Variants in NCEH1 observed in about 807,000 individuals in gnomAD.
NCEH1 encodes the protein 2-acetyl MAGE hydrolase.
Under a neutral mutation model 25.4 loss-of-function variants are expected in NCEH1, and 9 were observed. That is an observed-to-expected ratio of 0.35 (90% CI 0.21 to 0.62). The LOEUF is 0.62. NCEH1 is among the 20% of genes least tolerant of loss of function. NCEH1 has a pLI of 0.72. For missense variants in NCEH1, 412 were observed against 501.1 expected (o/e 0.82, Z 1.70); for synonymous variants, 200 against 199.8 (o/e 1.00, Z -0.01).
chr3:172,638,503 T>C (rs1716705472), intron 3 of NCEH1, among the ~76,000 whole-genome samples: 1 of 135,262 alleles, frequency 7.4e-6, no homozygotes. Flanking sequence ...GTCCACTAGA[T>C]GACATCATTT....
At position 172,633,280 on chromosome 3, in the gene NCEH1, G is replaced by A; in HGVS notation, c.*195C>T. 1 of 610,378 alleles carries A rather than the reference G, an allele frequency of 1.6e-6. No individual in the cohort carries two copies. The highest frequency in any genetic ancestry group is 2.8e-6 in the Non-Finnish European group (1 of 351,542). 37.8% of individuals were successfully genotyped at this position (610,378 alleles called of 1,614,324 possible). A position where few individuals can be genotyped will look rare whatever the true frequency, so the allele number is the denominator to read the frequency against. ...CCCACTCTGGGAACCAAATTTACAT[G>A]TTTTGCACTTAAGTTAGTCAAATTC... is the stretch of plus-strand genomic sequence containing the variant. On this transcript the variant is annotated 3_prime_UTR_variant, in exon 5 of 5. Transcript: ENST00000475381.
chr3:172,706,952 C>A (rs989548997), intron 1 of NCEH1, among the ~76,000 whole-genome samples: 2 of 151,952 alleles, frequency 1.3e-5, no homozygotes, highest in African/African-American at 2.4e-5. Flanking sequence ...GTTTTTTAAT[C>A]CTGTAAAATG....
At chr3:172,636,157 A>G in intron 3 of NCEH1, 70 bp from the exon 4 acceptor site, 1 of 1,004,000 alleles carries the variant, frequency 1.0e-6, no homozygotes. Flanking sequence ...GTTTAGATGG[A>G]AACTGGTTCT....
At position 172,710,974 on chromosome 3, in the gene NCEH1, G is replaced by A. The variant is rs200523181; in HGVS notation, c.11C>T (p.Ser4Phe). Residue 4 changes from serine to phenylalanine, a missense_variant, in exon 1 of 5, where the codon TCC becomes TTC. By Grantham distance (155) the Ser-to-Phe change is radical. Transcript: ENST00000475381. ...CACCAGGGCGGTGAGCAGGACACAG[G>A]ACGACCTCATCTTGCCCTGGCTCGG... The part of the protein sequence containing the change: MRS[S>F]CVLLTALVAL... The A allele has an allele frequency of 1.2e-6, 2 of 1,614,128 alleles. No homozygotes were observed. The highest frequency in any genetic ancestry group is 1.6e-4 in the Middle Eastern group (1 of 6,062).
intron 1 of NCEH1, among the ~76,000 whole-genome samples, chr3:172,683,480 G>A (rs1712522544): frequency 6.6e-6 from 1 of 151,604 alleles, no homozygotes; most frequent in African/African-American, 2.4e-5. Context: ...GACAAGCCTG[G>A]GCAATATAGT....
At chr3:172,674,810 T>G (rs937221949) in intron 1 of NCEH1, among the ~76,000 whole-genome samples, 8 of 152,366 alleles carry the variant, frequency 5.3e-5, no homozygotes, top group African/African-American at 1.9e-4. Flanking sequence ...ATATTTTGCC[T>G]GATTATCATC....
At chr3:172,662,566 T>C (rs1718018922) in intron 1 of NCEH1, among the ~76,000 whole-genome samples, 1 of 152,242 alleles carries the variant, frequency 6.6e-6, no homozygotes, top group Non-Finnish European at 1.5e-5. Context: ...GTACCTCTGG[T>C]AGAATTTGGC....
chr3:172,645,789 C>T, intron 2 of NCEH1, 97 bp from the exon 3 acceptor site: 2 of 641,600 alleles, frequency 3.1e-6, no homozygotes, highest in African/African-American at 1.9e-5. Context: ...AGGCTTGGAG[C>T]TAATACTAAA....
At chr3:172,651,279 T>C (rs1717392597) in intron 1 of NCEH1, among the ~76,000 whole-genome samples, 1 of 152,170 alleles carries the variant, frequency 6.6e-6, no homozygotes, top group South Asian at 2.1e-4. Flanking sequence ...TCAGTGTGGG[T>C]CCTGGAAGCT....
chr3:172,653,743 TGTTTTTTTGTTTTTTTG>T (rs1560186427), intron 1 of NCEH1, among the ~76,000 whole-genome samples: 4 of 110,622 alleles, frequency 3.6e-5, no homozygotes, highest in African/African-American at 1.2e-4. Flanking sequence ...CTGTTTTTTT[TGTTTTTTTGTTTTTTTG>T]TTTTTTTTTT....
chr3:172,679,318 GAT>G (rs745773337), intron 1 of NCEH1, among the ~76,000 whole-genome samples: 2 of 152,238 alleles, frequency 1.3e-5, no homozygotes, highest in African/African-American at 2.4e-5. Flanking sequence ...ACAGCTAGCA[GAT>G]ATTTAAGAAT....
intron 1 of NCEH1, among the ~76,000 whole-genome samples, chr3:172,705,237 G>A (rs1315264463): frequency 6.6e-6 from 1 of 152,096 alleles, no homozygotes; most frequent in Non-Finnish European, 1.5e-5. Context: ...TCGAACTCCC[G>A]ACCTCAAGTG....
intron 1 of NCEH1, among the ~76,000 whole-genome samples, chr3:172,707,874 C>T (rs1714095673): frequency 6.6e-6 from 1 of 152,266 alleles, no homozygotes; most frequent in Non-Finnish European, 1.5e-5. Context: ...GCGTGAGCCA[C>T]CGCGCCCGGC....
At chr3:172,674,582 T>C (rs927231263) in intron 1 of NCEH1, among the ~76,000 whole-genome samples, 3 of 49,982 alleles carry the variant, frequency 6.0e-5, no homozygotes, top group African/African-American at 8.4e-4. Context: ...TTTAACGCAT[T>C]ATTTACAGGG....
At chr3:172,682,219 G>A (rs901940712) in intron 1 of NCEH1, among the ~76,000 whole-genome samples, 2 of 152,142 alleles carry the variant, frequency 1.3e-5, no homozygotes, top group African/African-American at 4.8e-5. Flanking sequence ...TGCTTGTGGA[G>A]GCCAAAGCAA....
chr3:172,677,866 T>C (rs1467181205), intron 1 of NCEH1, among the ~76,000 whole-genome samples: 5 of 152,238 alleles, frequency 3.3e-5, no homozygotes, highest in Non-Finnish European at 5.9e-5. Context: ...AGGCGGAGCC[T>C]GCAGTGAGCT....
chr3:172,652,893 C>T lies in NCEH1; in HGVS notation c.139-4779G>A, dbSNP rs1488672375. Among the ~76,000 whole-genome samples, 10 of 151,006 alleles carry T rather than the reference C, an allele frequency of 6.6e-5. No homozygotes were observed. The East Asian group carries it at 1.9e-3, about 29-fold the overall frequency. On this transcript the variant is annotated intron_variant, in intron 1 of 4. Transcript: ENST00000475381. The stretch of plus-strand genomic sequence containing the variant: ...GTATTTTTTTTTTTTTTAGTAGATA[C>T]AGGGTTTCACTATGTTGCCCAGGCT...
chr3:172,703,668 G>C (rs1713826004), intron 1 of NCEH1, among the ~76,000 whole-genome samples: 1 of 151,982 alleles, frequency 6.6e-6, no homozygotes, highest in Admixed American at 6.6e-5. Context: ...AGCTCAAATT[G>C]CATGGTAGAA....
chr3:172,670,511 G>A (rs2108512008), intron 1 of NCEH1, among the ~76,000 whole-genome samples: 1 of 152,294 alleles, frequency 6.6e-6, no homozygotes, highest in African/African-American at 2.4e-5. Flanking sequence ...GGGGCTAAAG[G>A]ACCTCTCAAA....
Sources: gnomAD v4.1 joint callset for allele counts (sites outside exome capture counted in the v4.1 genomes callset) on GRCh38, gnomAD v4.1.1 for gene constraint, MANE v1.5 for transcripts, NCBI Gene and HGNC (gene_info 2026-07-23, HGNC 2026-07-21) for gene names.